Variants in TAFA1 observed in about 807,000 individuals in gnomAD.
The protein encoded by TAFA1 is chemokine-like protein TAFA-1.
TAFA1 carries 4 observed loss-of-function variants against 18.5 expected under a neutral mutation model. That is an observed-to-expected ratio of 0.22 (90% CI 0.11 to 0.49). The LOEUF (loss-of-function observed/expected upper bound fraction) is 0.49. Ranked by LOEUF, TAFA1 falls within the 20% of genes least tolerant of loss-of-function variation. The probability of loss-of-function intolerance (pLI) is 0.98; values close to 1 mark genes in which losing one functional copy is unlikely to be tolerated. For synonymous variants in TAFA1, 56 were observed against 55.2 expected, an observed-to-expected ratio of 1.01 and a Z score of -0.06; for missense variants, 147 against 169.0, an observed-to-expected ratio of 0.87 and a Z score of 0.72.
intron 4 of TAFA1, among the ~76,000 whole-genome samples, chr3:68,543,292 G>C (rs940220265): frequency 6.6e-6 from 1 of 152,114 alleles, no homozygotes; most frequent in African/African-American, 2.4e-5. Context: ...GGAAGAGGAA[G>C]AGGAGGAAAT....
At chr3:68,256,709 A>G (rs1284019726) in intron 2 of TAFA1, among the ~76,000 whole-genome samples, 2 of 152,152 alleles carry the variant, frequency 1.3e-5, no homozygotes, top group South Asian at 2.1e-4. Context: ...TTCTAGGGTT[A>G]TAAGACTGGA....
chr3:68,509,374 T>C (rs1220852128), intron 3 of TAFA1, among the ~76,000 whole-genome samples: 1 of 152,130 alleles, frequency 6.6e-6, no homozygotes, highest in Non-Finnish European at 1.5e-5. Context: ...ACTGACAAGA[T>C]TTCCGTCATG....
At chr3:68,299,381 G>A (rs1260726150) in intron 2 of TAFA1, among the ~76,000 whole-genome samples, 2 of 152,200 alleles carry the variant, frequency 1.3e-5, no homozygotes, top group Non-Finnish European at 2.9e-5. Flanking sequence ...TCTAGCAGAA[G>A]AAATTTCTAA....
intron 2 of TAFA1, among the ~76,000 whole-genome samples, chr3:68,330,844 C>G (rs957092880): frequency 6.6e-6 from 1 of 152,102 alleles, no homozygotes; most frequent in African/African-American, 2.4e-5. Flanking sequence ...ATTTTCTACT[C>G]TCAATAAATA....
chr3:68,170,277 C>A (rs979649770), intron 2 of TAFA1, among the ~76,000 whole-genome samples: 3 of 152,184 alleles, frequency 2.0e-5, no homozygotes, highest in Admixed American at 6.5e-5. Flanking sequence ...CAAAAGCCCT[C>A]TTCCCAGAAA....
intron 2 of TAFA1, among the ~76,000 whole-genome samples, chr3:68,136,741 C>G (rs535450495): frequency 6.6e-6 from 1 of 152,088 alleles, no homozygotes; most frequent in Non-Finnish European, 1.5e-5. Context: ...AATTTGCATC[C>G]TACTTCCATG....
intron 2 of TAFA1, among the ~76,000 whole-genome samples, chr3:68,103,526 T>G (rs1267468002): frequency 6.6e-6 from 1 of 152,166 alleles, no homozygotes; most frequent in South Asian, 2.1e-4. Flanking sequence ...ATGCATTTGT[T>G]TTATTAGCCA....
chr3:68,513,116 T>A (rs984114182), intron 3 of TAFA1, among the ~76,000 whole-genome samples: 1 of 152,060 alleles, frequency 6.6e-6, no homozygotes, highest in Non-Finnish European at 1.5e-5. Flanking sequence ...AATGCCCAGG[T>A]TTTTTTATGA....
At chr3:68,311,779 G>A (rs151126143) in intron 2 of TAFA1, among the ~76,000 whole-genome samples, 3,945 of 152,306 alleles carry the variant, frequency 0.026, 91 homozygotes, top group East Asian at 0.099. Flanking sequence ...TGGTGGATCT[G>A]CCATTCTGGG....
At chr3:68,492,289 C>T (rs1039060073) in intron 3 of TAFA1, among the ~76,000 whole-genome samples, 2 of 152,118 alleles carry the variant, frequency 1.3e-5, no homozygotes, top group Non-Finnish European at 2.9e-5. Flanking sequence ...CTTATGGACC[C>T]ATTCTATTTC....
chr3:68,026,819 C>T (rs1704826830), intron 2 of TAFA1, among the ~76,000 whole-genome samples: 1 of 152,094 alleles, frequency 6.6e-6, no homozygotes, highest in Non-Finnish European at 1.5e-5. Context: ...TTAATTCATT[C>T]TTGCATTGCT....
chr3:68,352,604 T>G (rs262251), intron 2 of TAFA1, among the ~76,000 whole-genome samples: 55,821 of 151,924 alleles, frequency 0.37, 10,509 homozygotes, highest in South Asian at 0.5. Context: ...CAGAAAGCAT[T>G]CTTCCTTTGT....
At chr3:68,204,108 C>T (rs1300030167) in intron 2 of TAFA1, among the ~76,000 whole-genome samples, 1 of 151,702 alleles carries the variant, frequency 6.6e-6, no homozygotes, top group Non-Finnish European at 1.5e-5. Flanking sequence ...TTCTCTGTAT[C>T]CACCTATCTG....
chr3:68,417,888 G>A (rs2070870133), intron 3 of TAFA1, among the ~76,000 whole-genome samples: 1 of 152,138 alleles, frequency 6.6e-6, no homozygotes, highest in South Asian at 2.1e-4. Context: ...AAAGGAGGAA[G>A]AGAGCCAAGG....
At chr3:68,422,621 A>T (rs1321299112) in intron 3 of TAFA1, among the ~76,000 whole-genome samples, 1 of 152,114 alleles carries the variant, frequency 6.6e-6, no homozygotes, top group Non-Finnish European at 1.5e-5. Flanking sequence ...AAACCTTAGC[A>T]GCTTATTCAA....
intron 3 of TAFA1, among the ~76,000 whole-genome samples, chr3:68,531,373 A>G (rs1290743419): frequency 6.6e-6 from 1 of 152,128 alleles, no homozygotes; most frequent in African/African-American, 2.4e-5. Context: ...AGTAAAGCAC[A>G]CTTGAAAGAG....
chr3:68,462,310 G>C (rs1372213983), intron 3 of TAFA1, among the ~76,000 whole-genome samples: 1 of 152,064 alleles, frequency 6.6e-6, no homozygotes, highest in Non-Finnish European at 1.5e-5. Context: ...ACCTGGTGAG[G>C]GGTAATCGAA....
intron 2 of TAFA1, among the ~76,000 whole-genome samples, chr3:68,189,530 C>T (rs2066312567): frequency 6.6e-6 from 1 of 151,938 alleles, no homozygotes; most frequent in South Asian, 2.1e-4. Context: ...ATTTCATGGC[C>T]TCATTGAGAC....
intron 3 of TAFA1, among the ~76,000 whole-genome samples, chr3:68,439,868 C>G (rs186163430): frequency 6.6e-6 from 1 of 152,022 alleles, no homozygotes; most frequent in Non-Finnish European, 1.5e-5. Flanking sequence ...ATATACAACT[C>G]CTGAGATCAT....
Sources: allele counts gnomAD v4.1 joint callset (sites outside exome capture counted in the v4.1 genomes callset), GRCh38; gene constraint gnomAD v4.1.1; transcripts MANE v1.5; gene names NCBI Gene and HGNC (gene_info 2026-07-23, HGNC 2026-07-21).